KCNK1: variants seen among roughly 807,000 people sequenced by gnomAD.
The protein encoded by KCNK1 is potassium channel subfamily K member 1.
A neutral mutation model predicts 22.2 loss-of-function variants in KCNK1; 10 were observed. The observed-to-expected ratio is 0.45, with a 90% CI of 0.28 to 0.76. KCNK1 has a LOEUF of 0.76. KCNK1 is among the 30% of genes least tolerant of loss of function. KCNK1 has a pLI of 0.14. For synonymous variants in KCNK1, 200 were observed against 186.4 expected (o/e 1.07, Z -0.60); for missense variants, 378 against 421.0 (o/e 0.90, Z 0.89).
intron 1 of KCNK1, among the ~76,000 whole-genome samples, chr1:233,624,571 A>G (rs1204204434): frequency 2.6e-5 from 4 of 152,190 alleles, no homozygotes; most frequent in African/African-American, 9.7e-5. Flanking sequence ...GGAGCAACTT[A>G]AGGCACATTT....
chr1:233,614,493 C>A lies in KCNK1; in HGVS notation c.322C>A (p.Leu108Ile). Residue 108 changes from leucine (L) to isoleucine (I), a missense_variant, in exon 1 of 3, where the codon CTC (leucine) becomes ATC (isoleucine). Leu to Ile is a conservative substitution (Grantham distance 5, BLOSUM62 2). Coordinates refer to ENST00000366621, the MANE Select transcript of KCNK1 (RefSeq NM_002245.4). ...CTGGAACTGGGACTTCACCTCCGCG[C>A]TCTTCTTCGCCAGCACCGTGCTCTC... ...GNWNWDFTSA[L>I]FFASTVLSTT... 4 of 1,609,802 alleles carry A rather than the reference C, an allele frequency of 2.5e-6. No individual in the cohort carries two copies. The highest frequency in any genetic ancestry group is 3.4e-6 in the Non-Finnish European group (4 of 1,178,106).
In KCNK1 at chr1:233,657,298, G is replaced by A. The variant is rs371611419; in HGVS notation, c.356-9297G>A. 4.6e-5 allele frequency among the ~76,000 whole-genome samples: 7 copies of A among 152,300 alleles called. No individual in the cohort carries two copies. In the South Asian group the frequency reaches 1.5e-3, roughly 32 times the overall value. The stretch of plus-strand genomic sequence containing the variant: ...AAATTTTGGGATGGAAAAGCCTTAG[G>A]TAGGATTCTTATGTTTTCGAAATGT... On this transcript the variant is annotated intron_variant, in intron 1 of 2. Coordinates refer to ENST00000366621, the MANE Select transcript of KCNK1 (RefSeq NM_002245.4).
intron 1 of KCNK1, among the ~76,000 whole-genome samples, chr1:233,648,743 T>G (rs539736465): frequency 1.0e-3 from 152 of 152,126 alleles, no homozygotes; most frequent in African/African-American, 3.6e-3. Flanking sequence ...ATTTTTGTAT[T>G]TTTAGTAGAG....
chr1:233,671,917 G>T lies in KCNK1; in HGVS notation c.*387G>T. The stretch of plus-strand genomic sequence containing the variant: ...GGCTAAATAGCAAAATTTATATTTA[G>T]AAGCAAAAAAAAAAAGCATAGAGAT... On this transcript the variant is annotated 3_prime_UTR_variant, in exon 3 of 3. Coordinates refer to ENST00000366621, the MANE Select transcript of KCNK1 (RefSeq NM_002245.4). The T allele has an allele frequency of 5.6e-6, 1 of 177,346 alleles. No individual in the cohort carries two copies. Among genetic ancestry groups the T allele is most frequent in the African/African-American group, 2.4e-5 (1 of 41,248 alleles). The allele number at this position is 177,346 out of a possible 1,614,324, so 11.0% of individuals were successfully genotyped here.
At chr1:233,614,568 G>T (rs1239031394) in intron 1 of KCNK1, 42 bp downstream of exon 1, 3 of 1,468,846 alleles carry the variant, frequency 2.0e-6, no homozygotes, top group East Asian at 2.5e-5. Flanking sequence ...CGGCCACCTC[G>T]CCCACAACCC....
At chr1:233,647,153 A>G (rs377190849) in intron 1 of KCNK1, among the ~76,000 whole-genome samples, 1 of 152,348 alleles carries the variant, frequency 6.6e-6, no homozygotes, top group East Asian at 1.9e-4. Context: ...TATAAACGGC[A>G]TGTCATCTGT....
chr1:233,630,890 T>A, intron 1 of KCNK1: 1 of 176,290 alleles, frequency 5.7e-6, no homozygotes, highest in South Asian at 1.2e-4. Flanking sequence ...GAGGGTCCAC[T>A]CTGGTAAATG....
At chr1:233,644,892 G>A (rs7536764) in intron 1 of KCNK1, among the ~76,000 whole-genome samples, 58,383 of 151,938 alleles carry the variant, frequency 0.38, 12,805 homozygotes, top group African/African-American at 0.6. Flanking sequence ...AAATCATTGG[G>A]GGATTTTAAT....
intron 1 of KCNK1, among the ~76,000 whole-genome samples, chr1:233,659,427 A>G (rs890230753): frequency 6.7e-6 from 1 of 149,582 alleles, no homozygotes; most frequent in Non-Finnish European, 1.5e-5. Flanking sequence ...TATTTTAAAT[A>G]TTTTTTATTA....
chr1:233,647,701 G>T (rs1020210944), intron 1 of KCNK1, among the ~76,000 whole-genome samples: 1 of 152,206 alleles, frequency 6.6e-6, no homozygotes, highest in Non-Finnish European at 1.5e-5. Context: ...TAGTTAACAG[G>T]ATGTTGGAAG....
chr1:233,663,935 A>G (rs1658445739), intron 1 of KCNK1, among the ~76,000 whole-genome samples: 4 of 151,760 alleles, frequency 2.6e-5, no homozygotes, highest in Admixed American at 2.6e-4. Context: ...GGGTTCAAAC[A>G]ATTCTCCTGT....
intron 1 of KCNK1, among the ~76,000 whole-genome samples, chr1:233,653,378 AC>A (rs1029917557): frequency 6.6e-6 from 1 of 152,206 alleles, no homozygotes; most frequent in Non-Finnish European, 1.5e-5. Context: ...AATAAAACTT[AC>A]ATTTTGAAAC....
intron 1 of KCNK1, chr1:233,631,105 A>C (rs143350027): frequency 2.7e-6 from 1 of 377,194 alleles, no homozygotes. Flanking sequence ...CTGTTCTTAC[A>C]TGTTCTGACA....
chr1:233,669,568 C>T (rs571078176), intron 2 of KCNK1, among the ~76,000 whole-genome samples: 5 of 152,220 alleles, frequency 3.3e-5, no homozygotes, highest in African/African-American at 9.6e-5. Flanking sequence ...ATAAAGGAGG[C>T]TGGGCACGGT....
intron 1 of KCNK1, among the ~76,000 whole-genome samples, chr1:233,635,547 T>C (rs1657882547): frequency 6.6e-6 from 1 of 152,220 alleles, no homozygotes; most frequent in African/African-American, 2.4e-5. Flanking sequence ...AATACTTCTT[T>C]ATATATGATT....
chr1:233,657,223 G>A (rs559934037), intron 1 of KCNK1, among the ~76,000 whole-genome samples: 22 of 152,236 alleles, frequency 1.4e-4, no homozygotes, highest in African/African-American at 4.8e-4. Context: ...CTTTCTCATC[G>A]CTTTTTGTCC....
At chr1:233,668,130 T>C (rs1376935642) in intron 2 of KCNK1, among the ~76,000 whole-genome samples, 1 of 152,214 alleles carries the variant, frequency 6.6e-6, no homozygotes, top group Non-Finnish European at 1.5e-5. Flanking sequence ...CCTGTCCTTT[T>C]CAGCATGCAC....
At chr1:233,632,023 A>G (rs1279317814) in intron 1 of KCNK1, among the ~76,000 whole-genome samples, 2 of 152,166 alleles carry the variant, frequency 1.3e-5, no homozygotes, top group South Asian at 2.1e-4. Context: ...CCAAGATGCC[A>G]TGACAAAATT....
intron 1 of KCNK1, among the ~76,000 whole-genome samples, chr1:233,621,682 A>G (rs1170359596): frequency 6.6e-6 from 1 of 152,212 alleles, no homozygotes; most frequent in Non-Finnish European, 1.5e-5. Context: ...CTGTGAACTC[A>G]TACCTGTCTA....
Sources: allele counts gnomAD v4.1 joint callset (sites outside exome capture counted in the v4.1 genomes callset), GRCh38; gene constraint gnomAD v4.1.1; transcripts MANE v1.5; gene names NCBI Gene and HGNC (gene_info 2026-07-23, HGNC 2026-07-21).